The following KCNJ16 variants were observed in gnomAD, a reference collection of about 807,000 sequenced individuals.
The protein encoded by KCNJ16 is potassium inwardly rectifying channel subfamily J member 16, also known as inward rectifier potassium channel 16.
Under a neutral mutation model 18.5 loss-of-function variants are expected in KCNJ16, and 15 were observed. That is an observed-to-expected ratio of 0.81 (90% CI 0.54 to 1.25). The LOEUF (loss-of-function observed/expected upper bound fraction) is 1.25. Ranked by LOEUF, KCNJ16 falls within the 50% of genes most tolerant of loss-of-function variation. The pLI is 0.00. For missense variants in KCNJ16, 523 were observed against 525.7 expected (o/e 0.99, Z 0.05); for synonymous variants, 174 against 186.5 (o/e 0.93, Z 0.55).
intron 2 of KCNJ16, chr17:70,101,059 C>T (rs1209473983): frequency 6.6e-6 from 1 of 152,162 alleles, no homozygotes; most frequent in Non-Finnish European, 1.5e-5. Flanking sequence ...ATACATTCTG[C>T]TAACTAAGAA....
chr17:70,098,278 T>C (rs141171779), intron 1 of KCNJ16, among the ~76,000 whole-genome samples: 3 of 152,278 alleles, frequency 2.0e-5, no homozygotes, highest in Admixed American at 2.0e-4. Context: ...GCAGAATGGA[T>C]TCACTGGAGA....
chr17:70,122,122 T>C (rs892711617), intron 2 of KCNJ16, among the ~76,000 whole-genome samples: 1 of 152,142 alleles, frequency 6.6e-6, no homozygotes, highest in African/African-American at 2.4e-5. Flanking sequence ...TTGCTGGTAG[T>C]TGACATGATG....
At chr17:70,125,169 C>A (rs535170586) in intron 2 of KCNJ16, among the ~76,000 whole-genome samples, 2 of 151,734 alleles carry the variant, frequency 1.3e-5, no homozygotes, top group African/African-American at 4.8e-5. Context: ...ACTTGGGAGG[C>A]TGAGGTGGGA....
At chr17:70,122,853 C>T (rs1175059311) in intron 2 of KCNJ16, among the ~76,000 whole-genome samples, 1 of 152,134 alleles carries the variant, frequency 6.6e-6, no homozygotes, top group Non-Finnish European at 1.5e-5. Context: ...TTCTGATTGG[C>T]CACTCCTAGA....
chr17:70,086,982 T>C (rs1250665052), intron 1 of KCNJ16, among the ~76,000 whole-genome samples: 3 of 151,754 alleles, frequency 2.0e-5, no homozygotes, highest in African/African-American at 7.3e-5. Context: ...CACTGCAAGC[T>C]CCACCTCCCG....
At chr17:70,095,870 C>CTTTTTTTTTTT (rs147216245) in intron 1 of KCNJ16, among the ~76,000 whole-genome samples, 1 of 95,390 alleles carries the variant, frequency 1.0e-5, no homozygotes, top group African/African-American at 4.1e-5. Context: ...TTACTTAATC[C>CTTTTTTTTTTT]TTTTTTTTTT....
At chr17:70,083,192 TTA>T (rs1239329201) in intron 1 of KCNJ16, among the ~76,000 whole-genome samples, 1 of 148,488 alleles carries the variant, frequency 6.7e-6, no homozygotes, top group African/African-American at 2.5e-5. Context: ...GTAGCTGGGA[TTA>T]TATATATTAT....
At chr17:70,094,130 G>A (rs972560959) in intron 1 of KCNJ16, among the ~76,000 whole-genome samples, 1 of 152,170 alleles carries the variant, frequency 6.6e-6, no homozygotes, top group Non-Finnish European at 1.5e-5. Context: ...TTGTGCCCCA[G>A]ACAGCCCTGT....
chr17:70,119,648 A>G (rs944333360), intron 2 of KCNJ16, among the ~76,000 whole-genome samples: 2 of 152,222 alleles, frequency 1.3e-5, no homozygotes, highest in Non-Finnish European at 2.9e-5. Flanking sequence ...CTAAGGCTGG[A>G]GCTGGAGTGA....
At chr17:70,118,530 G>C (rs2073503549) in intron 2 of KCNJ16, among the ~76,000 whole-genome samples, 1 of 152,124 alleles carries the variant, frequency 6.6e-6, no homozygotes, top group Non-Finnish European at 1.5e-5. Context: ...CTTCTGGGGA[G>C]GCCTCAGGAA....
At chr17:70,090,845 C>T (rs1308511763) in intron 1 of KCNJ16, among the ~76,000 whole-genome samples, 1 of 152,302 alleles carries the variant, frequency 6.6e-6, no homozygotes, top group Non-Finnish European at 1.5e-5. Context: ...TTGTTTAGCT[C>T]AGTTGCCAGC....
In KCNJ16 at chr17:70,119,977, A is replaced by G. The variant is rs533441988; in HGVS notation, c.-190-10902A>G. ...TTTACACTCTGCTTCCCTTTTAAAT[A>G]TAAGTTCCAAATTTAGGTCATTTCT... is the stretch of plus-strand genomic sequence containing the variant. On this transcript the variant is annotated intron_variant, in intron 2 of 3. Coordinates refer to ENST00000392671, the MANE Select transcript of KCNJ16 (RefSeq NM_170741.4). 1.1e-3 allele frequency among the ~76,000 whole-genome samples: 171 copies of G among 152,310 alleles called. 1 individual carries two copies. Among genetic ancestry groups the G allele is most frequent in the African/African-American group, 3.8e-3 (160 of 41,574 alleles).
chr17:70,106,862 G>A (rs540542026), intron 2 of KCNJ16, among the ~76,000 whole-genome samples: 10 of 152,148 alleles, frequency 6.6e-5, no homozygotes, highest in South Asian at 2.1e-4. Flanking sequence ...ATTCTTTTGT[G>A]CGTGCATAGT....
intron 2 of KCNJ16, among the ~76,000 whole-genome samples, chr17:70,106,974 T>G (rs2072961308): frequency 1.3e-5 from 2 of 152,130 alleles, no homozygotes; most frequent in South Asian, 4.1e-4. Context: ...TAAAGTGGCT[T>G]TTTCCTGATG....
intron 2 of KCNJ16, chr17:70,108,257 C>T (rs566924741): frequency 6.6e-6 from 1 of 152,318 alleles, no homozygotes; most frequent in East Asian, 1.9e-4. Context: ...GTATATATCA[C>T]CTTTAATAGT....
intron 1 of KCNJ16, among the ~76,000 whole-genome samples, chr17:70,078,666 C>T (rs538109449): frequency 6.6e-6 from 1 of 152,298 alleles, no homozygotes; most frequent in Non-Finnish European, 1.5e-5. Flanking sequence ...TTAAGTACCA[C>T]TGTACCGGAC....
intron 2 of KCNJ16, among the ~76,000 whole-genome samples, chr17:70,120,999 G>A (rs1344709891): frequency 6.6e-6 from 1 of 152,114 alleles, no homozygotes; most frequent in African/African-American, 2.4e-5. Flanking sequence ...CAAGTTAGGG[G>A]GTATAAATGA....
chr17:70,113,240 ATG>A (rs1293626573), intron 2 of KCNJ16, among the ~76,000 whole-genome samples: 1 of 152,200 alleles, frequency 6.6e-6, no homozygotes, highest in Non-Finnish European at 1.5e-5. Flanking sequence ...TGTTCCTTAA[ATG>A]CTGGGAAAAG....
At chr17:70,126,329 G>A (rs992508161) in intron 2 of KCNJ16, among the ~76,000 whole-genome samples, 1 of 152,120 alleles carries the variant, frequency 6.6e-6, no homozygotes, top group Non-Finnish European at 1.5e-5. Context: ...AACTAAGAAT[G>A]CCTAACCTCC....
Sources: gnomAD v4.1 joint callset for allele counts (sites outside exome capture counted in the v4.1 genomes callset) on GRCh38, gnomAD v4.1.1 for gene constraint, MANE v1.5 for transcripts, NCBI Gene and HGNC (gene_info 2026-07-23, HGNC 2026-07-21) for gene names.